The following VKORC1L1 variants were observed in gnomAD, a reference collection of about 807,000 sequenced individuals.
VKORC1L1 encodes vitamin K epoxide reductase complex subunit 1-like protein 1.
A neutral mutation model predicts 18.9 loss-of-function variants in VKORC1L1; 2 were observed. That is an observed-to-expected ratio of 0.11 (90% CI 0.04 to 0.33). The LOEUF (loss-of-function observed/expected upper bound fraction) is 0.33, where lower values mean the gene tolerates loss of function less well. VKORC1L1 is among the 10% of genes least tolerant of loss of function. The pLI, the probability that VKORC1L1 is intolerant of heterozygous loss-of-function variation, is 1.00. For synonymous variants in VKORC1L1, 96 were observed against 100.0 expected (o/e 0.96, Z 0.24); for missense variants, 123 against 224.1 (o/e 0.55, Z 2.88).
intron 1 of VKORC1L1, among the ~76,000 whole-genome samples, chr7:65,876,140 C>T (rs1410263380): frequency 6.6e-6 from 1 of 152,124 alleles, no homozygotes; most frequent in Non-Finnish European, 1.5e-5. Context: ...TTCAATTCTA[C>T]CATGTACAGC....
At position 65,954,366 on chromosome 7, in the gene VKORC1L1, TTTA is replaced by T. The variant is rs35431841; in HGVS notation, c.*90_*92del. 2.9e-3 allele frequency: 4,095 copies of T among 1,430,732 alleles called. 3 individuals carry two copies. The highest frequency in any genetic ancestry group is 4.6e-3 in the South Asian group (324 of 71,086). The allele number at this position is 1,430,732 out of a possible 1,614,324, so 88.6% of individuals were successfully genotyped here. ...CATTCAGTTTATTTTGCAGCAGGTT[TTTA>T]TTATTATTATTATTATTATTATTCA... On this transcript the variant is annotated 3_prime_UTR_variant, in exon 3 of 3. Transcript: ENST00000360768.
chr7:65,885,304 T>C (rs2116343065), intron 1 of VKORC1L1, among the ~76,000 whole-genome samples: 1 of 152,280 alleles, frequency 6.6e-6, no homozygotes, highest in African/African-American at 2.4e-5. Context: ...GTTAATCTTT[T>C]GTTATATGTG....
chr7:65,885,198 A>T (rs1313884945), intron 1 of VKORC1L1, among the ~76,000 whole-genome samples: 1 of 152,026 alleles, frequency 6.6e-6, no homozygotes, highest in African/African-American at 2.4e-5. Context: ...TTTCTTCTGG[A>T]TATTGCCTGT....
At chr7:65,930,047 T>G (rs7784623) in intron 1 of VKORC1L1, among the ~76,000 whole-genome samples, 78,503 of 151,894 alleles carry the variant, frequency 0.52, 21,246 homozygotes, top group East Asian at 0.81. Context: ...TATTATAAAT[T>G]ATATTACAAA....
chr7:65,900,124 T>C (rs1448855794), intron 1 of VKORC1L1, among the ~76,000 whole-genome samples: 10 of 149,032 alleles, frequency 6.7e-5, no homozygotes, highest in Admixed American at 6.0e-4. Context: ...GTGTGGTGGC[T>C]CATGCCTGTA....
At chr7:65,874,252 G>A (rs1161703864) in intron 1 of VKORC1L1, among the ~76,000 whole-genome samples, 1 of 152,120 alleles carries the variant, frequency 6.6e-6, no homozygotes, top group African/African-American at 2.4e-5. Context: ...GTATGTTTCA[G>A]TGTGCCAGGA....
intron 1 of VKORC1L1, among the ~76,000 whole-genome samples, chr7:65,923,117 C>T (rs931647337): frequency 6.6e-6 from 1 of 152,098 alleles, no homozygotes; most frequent in Admixed American, 6.6e-5. Flanking sequence ...GTGAGGCTGA[C>T]ATCTCTTAAA....
intron 1 of VKORC1L1, among the ~76,000 whole-genome samples, chr7:65,890,345 A>C (rs1789091710): frequency 6.6e-6 from 1 of 151,974 alleles, no homozygotes; most frequent in Admixed American, 6.6e-5. Context: ...GTTAGCCAGG[A>C]TGGTCTCTAT....
At chr7:65,875,828 A>T (rs1183894545) in intron 1 of VKORC1L1, among the ~76,000 whole-genome samples, 1 of 152,220 alleles carries the variant, frequency 6.6e-6, no homozygotes, top group Non-Finnish European at 1.5e-5. Flanking sequence ...TTAGGAAAAG[A>T]AAGTTTGAGC....
chr7:65,934,971 T>A (rs1311934994), intron 1 of VKORC1L1, among the ~76,000 whole-genome samples: 1 of 151,336 alleles, frequency 6.6e-6, no homozygotes, highest in Non-Finnish European at 1.5e-5. Context: ...GGAGAATCAC[T>A]TGAACCCGGG....
At position 65,923,651 on chromosome 7, in the gene VKORC1L1, C is replaced by T. The variant is rs115136048; in HGVS notation, c.195-25020C>T. 1.6e-3 allele frequency among the ~76,000 whole-genome samples: 241 copies of T among 152,224 alleles called. 1 individual carries two copies. The highest frequency in any genetic ancestry group is 5.6e-3 in the African/African-American group (234 of 41,544). ...TGACAGCAAAAATGAAAAGGAAGGA[C>T]GGTATTTTCCTTCCTGGCCTTGACA... On this transcript the variant is annotated intron_variant, in intron 1 of 2. Transcript: ENST00000360768.
chr7:65,902,945 T>C (rs55909123), intron 1 of VKORC1L1, among the ~76,000 whole-genome samples: 19,276 of 152,094 alleles, frequency 0.13, 1,379 homozygotes, highest in Middle Eastern at 0.21. Context: ...TGGCTCACCG[T>C]GACCTCCGCC....
chr7:65,867,351 G>A, the VKORC1L1 span, among the ~76,000 whole-genome samples: 1 of 152,160 alleles, frequency 6.6e-6, no homozygotes, highest in African/African-American at 2.4e-5. Context: ...AGAGAGACTA[G>A]GTTTGGTGAG....
rs568327435 is a variant in VKORC1L1 at position 65,954,991 on chromosome 7, G to A, written c.*691G>A. On this transcript the variant is annotated 3_prime_UTR_variant, in exon 3 of 3. Coordinates refer to ENST00000360768, the MANE Select transcript of VKORC1L1 (RefSeq NM_173517.6). Reference sequence around the variant, plus strand: ...CAAAAAAAATAATAATAGGGTGGTCGGTTCCCTTTCATCTCCCTCTTCTGA... The same window carrying A: ...CAAAAAAAATAATAATAGGGTGGTCAGTTCCCTTTCATCTCCCTCTTCTGA... The A allele has an allele frequency of 3.3e-5, 5 of 152,292 alleles. No individual in the cohort carries two copies. The highest frequency in any genetic ancestry group is 1.9e-4 in the East Asian group (1 of 5,182). The allele number at this position is 152,292 out of a possible 1,614,324, so 9.4% of individuals were successfully genotyped here.
chr7:65,921,367 T>C (rs1390846422), intron 1 of VKORC1L1, among the ~76,000 whole-genome samples: 1 of 152,192 alleles, frequency 6.6e-6, no homozygotes, highest in Admixed American at 6.5e-5. Context: ...TTCCCCCCAC[T>C]GTATTATCTT....
At chr7:65,875,341 A>G (rs1041014987) in intron 1 of VKORC1L1, among the ~76,000 whole-genome samples, 5 of 152,192 alleles carry the variant, frequency 3.3e-5, no homozygotes, top group Non-Finnish European at 7.3e-5. Context: ...ATATATGTAC[A>G]TATATAGACT....
intron 1 of VKORC1L1, among the ~76,000 whole-genome samples, chr7:65,940,430 AT>A (rs1427300837): frequency 6.6e-6 from 1 of 152,216 alleles, no homozygotes; most frequent in Non-Finnish European, 1.5e-5. Context: ...TCCAGTGTGT[AT>A]TTTCTCAAGG....
chr7:65,914,086 A>G (rs1245765883), intron 1 of VKORC1L1, among the ~76,000 whole-genome samples: 1 of 152,190 alleles, frequency 6.6e-6, no homozygotes, highest in Non-Finnish European at 1.5e-5. Context: ...GTATTAATAT[A>G]GAGACAGTAA....
In VKORC1L1 at chr7:65,948,679, G is replaced by A. The variant is rs767353821; in HGVS notation, c.203G>A (p.Arg68Gln). 1.8e-5 allele frequency: 22 copies of A among 1,206,558 alleles called. No homozygotes were observed. The highest frequency in any genetic ancestry group is 8.4e-5 in the African/African-American group (5 of 59,234). The allele number at this position is 1,206,558 out of a possible 1,614,324, so 74.7% of individuals were successfully genotyped here. ...CSAALASRWGRGFGLLGSIFG... is the reference protein window; with the variant it reads ...CSAALASRWGQGFGLLGSIFG... ...TTTTCCTTATTTTACAGATGGGGTC[G>A]AGGATTTGGTCTTTTGGGTTCCATT... Residue 68 changes from arginine (R) to glutamine (Q), a missense_variant, in exon 2 of 3, where the codon CGA becomes CAA. Transcript: ENST00000360768.
Sources: allele counts gnomAD v4.1 joint callset (sites outside exome capture counted in the v4.1 genomes callset), GRCh38; gene constraint gnomAD v4.1.1; transcripts MANE v1.5; gene names NCBI Gene and HGNC (gene_info 2026-07-23, HGNC 2026-07-21).